The following CEP85L variants were observed in gnomAD, a reference collection of about 807,000 sequenced individuals.
CEP85L encodes the protein centrosomal protein of 85 kDa-like.
Under a neutral mutation model 100.3 loss-of-function variants are expected in CEP85L, and 60 were observed. That is an observed-to-expected ratio of 0.60 (90% CI 0.49 to 0.74). The LOEUF (loss-of-function observed/expected upper bound fraction) is 0.74, where lower values mean the gene tolerates loss of function less well. CEP85L is among the 30% of genes least tolerant of loss of function. The pLI, the probability that CEP85L is intolerant of heterozygous loss-of-function variation, is 0.00. For synonymous variants in CEP85L, 319 were observed against 322.7 expected (o/e 0.99, Z 0.12); for missense variants, 973 against 936.2 (o/e 1.04, Z -0.51).
At chr6:118,652,305 C>G, upstream of CEP85L, 3 of 747,212 alleles carry the variant, frequency 4.0e-6, no homozygotes, top group Non-Finnish European at 4.9e-6. Context: ...TCTTCCTCTT[C>G]TTGGCCAGTT....
intron 10 of CEP85L, among the ~76,000 whole-genome samples, chr6:118,473,128 A>G (rs1265188377): frequency 6.6e-6 from 1 of 152,228 alleles, no homozygotes; most frequent in Non-Finnish European, 1.5e-5. Context: ...ACATTCCTTC[A>G]TGCAAAAATC....
In CEP85L at chr6:118,632,470, C is replaced by T. The variant is rs745881512; in HGVS notation, c.215G>A (p.Cys72Tyr). The change falls in exon 2 of 13, where the codon TGT (cysteine) becomes TAT (tyrosine). Residue 72 changes from cysteine to tyrosine, a missense_variant. Cys to Tyr is a radical substitution (Grantham distance 194, BLOSUM62 -2). Transcript: ENST00000368491. Reference protein sequence around the residue: ...DSGDTGIGTSCSDSVEDHSTS... With the variant: ...DSGDTGIGTSYSDSVEDHSTS... ...TAGCTCACCTTCCACGCTATCAGAA[C>T]AGGAAGTTCCAATGCCAGTGTCTCC... 1.9e-6 allele frequency: 3 copies of T among 1,605,692 alleles called. No individual in the cohort carries two copies.
chr6:118,676,430 C>A (rs2115437787), intron 1 of CEP85L, among the ~76,000 whole-genome samples: 1 of 152,294 alleles, frequency 6.6e-6, no homozygotes, highest in South Asian at 2.1e-4. Context: ...TCATTGACTT[C>A]ATGCAATATT....
intron 11 of CEP85L, among the ~76,000 whole-genome samples, 153 bp downstream of exon 11, chr6:118,470,383 CT>C (rs1156826662): frequency 2.6e-5 from 4 of 151,816 alleles, no homozygotes. Flanking sequence ...AAAGGTTTGT[CT>C]TTTTATAATA....
chr6:118,565,891 T>A lies in CEP85L; in HGVS notation c.658A>T (p.Lys220Ter), dbSNP rs772981948. 1 of 1,614,030 alleles carries A rather than the reference T, an allele frequency of 6.2e-7. No homozygotes were observed. Among genetic ancestry groups the A allele is most frequent in the South Asian group, 1.1e-5 (1 of 91,090 alleles). ...CAGTCCAGAGTTGATGACCGTTTTT[T>A]ATTTATTTCCTTGTCCTCTAACCTA... ...MLRLEDKEIN[K>*]KRSSTLDCKY... The change falls in exon 3 of 13, where the codon AAA (lysine) becomes TAA (stop). Residue 220 changes from lysine to a stop codon, truncating the protein, a stop_gained. Transcript: ENST00000368491. LOFTEE classifies it high-confidence loss of function.
chr6:118,616,363 A>AAAAAAC (rs1350370746), intron 2 of CEP85L, among the ~76,000 whole-genome samples: 2 of 151,926 alleles, frequency 1.3e-5, no homozygotes. Context: ...CTGTCCTTAC[A>AAAAAAC]AAAAACAAAA....
At chr6:118,621,542 C>T (rs533161812) in intron 2 of CEP85L, among the ~76,000 whole-genome samples, 10 of 152,310 alleles carry the variant, frequency 6.6e-5, no homozygotes, top group African/African-American at 1.9e-4. Context: ...AGTCCAGGCA[C>T]TCTAGTCCTC....
intron 2 of CEP85L, among the ~76,000 whole-genome samples, chr6:118,571,358 T>C (rs1779876894): frequency 6.6e-6 from 1 of 152,234 alleles, no homozygotes; most frequent in Non-Finnish European, 1.5e-5. Flanking sequence ...GCTTATAGCA[T>C]TGACAGTAGG....
rs555647179 is a variant in CEP85L at position 118,549,944 on chromosome 6, T to C, written c.1020+15585A>G. Among the ~76,000 whole-genome samples, 7 of 152,018 alleles carry C rather than the reference T, an allele frequency of 4.6e-5. No homozygotes were observed. In the South Asian group the frequency reaches 1.4e-3, roughly 31 times the overall value. ...TGCTAAAATTTCAAATATAATGTGG[T>C]AGTACCATACATTGTGTCCCAACTA... On this transcript the variant is annotated intron_variant, in intron 3 of 12. Transcript: ENST00000368491.
intron 1 of CEP85L, among the ~76,000 whole-genome samples, chr6:118,679,822 T>G (rs531243058): frequency 7.2e-5 from 11 of 152,310 alleles, no homozygotes; most frequent in African/African-American, 2.4e-4. Flanking sequence ...ATCACATTTT[T>G]TTTTAACTAC....
chr6:118,574,911 C>T (rs748145858), intron 2 of CEP85L, among the ~76,000 whole-genome samples: 8 of 151,640 alleles, frequency 5.3e-5, no homozygotes, highest in Non-Finnish European at 8.8e-5. Context: ...TAAATTCCTG[C>T]GAGGGAAGTG....
intron 1 of CEP85L, among the ~76,000 whole-genome samples, chr6:118,642,086 A>C (rs1178113160): frequency 1.3e-5 from 2 of 152,212 alleles, no homozygotes; most frequent in East Asian, 3.8e-4. Context: ...GAATTACATG[A>C]TGCATCCATA....
intron 5 of CEP85L, chr6:118,502,523 G>C (rs1445560917): frequency 2.0e-6 from 1 of 493,950 alleles, no homozygotes; most frequent in African/African-American, 2.0e-5. Context: ...CAGGACATTT[G>C]GACTCTAATA....
intron 2 of CEP85L, among the ~76,000 whole-genome samples, chr6:118,593,287 T>C (rs2356498): frequency 0.41 from 61,862 of 151,730 alleles, 12,799 homozygotes; most frequent in Middle Eastern, 0.46. Flanking sequence ...CTAAAAGTCA[T>C]TGAATTGTAC....
chr6:118,477,595 T>A (rs1773480375), intron 10 of CEP85L, among the ~76,000 whole-genome samples: 1 of 152,136 alleles, frequency 6.6e-6, no homozygotes, highest in African/African-American at 2.4e-5. Context: ...TATGAATAAC[T>A]TGCTTGTTCC....
chr6:118,480,563 T>C (rs748531955), intron 8 of CEP85L, 50 bp from the exon 9 acceptor site: 3 of 1,155,630 alleles, frequency 2.6e-6, no homozygotes, highest in Non-Finnish European at 3.8e-6. Flanking sequence ...TTTGCTGATT[T>C]TGGTAATGAT....
chr6:118,665,469 C>T (rs531929139), intron 1 of CEP85L, among the ~76,000 whole-genome samples: 55 of 152,176 alleles, frequency 3.6e-4, no homozygotes, highest in Middle Eastern at 3.4e-3. Flanking sequence ...GATGATTCTC[C>T]TACCTCAGCC....
chr6:118,570,122 C>T (rs1779798602), intron 2 of CEP85L, among the ~76,000 whole-genome samples: 1 of 151,880 alleles, frequency 6.6e-6, no homozygotes, highest in Non-Finnish European at 1.5e-5. Flanking sequence ...AGAAAAGATC[C>T]GAAAGAATAC....
At chr6:118,482,046 AAAAAG>A (rs1193503932) in intron 7 of CEP85L, 113 bp from the exon 8 acceptor site, 14 of 590,828 alleles carry the variant, frequency 2.4e-5, no homozygotes, top group Non-Finnish European at 2.8e-5. Flanking sequence ...AAAAAAAAAA[AAAAAG>A]AATCACACTG....
Sources: gnomAD v4.1 joint callset for allele counts (sites outside exome capture counted in the v4.1 genomes callset) on GRCh38, gnomAD v4.1.1 for gene constraint, MANE v1.5 for transcripts, NCBI Gene and HGNC (gene_info 2026-07-23, HGNC 2026-07-21) for gene names.